The following MAOB variants were observed in gnomAD, a reference collection of about 807,000 sequenced individuals.
The protein encoded by MAOB is monoamine oxidase B.
A neutral mutation model predicts 41.9 loss-of-function variants in MAOB; 15 were observed. The ratio of observed to expected loss-of-function variants is 0.36; its 90% CI spans 0.24 to 0.55. MAOB has a LOEUF of 0.55. Among genes scored for constraint, MAOB ranks in the 20% least tolerant of loss-of-function variants. MAOB has a pLI of 0.86. For synonymous variants in MAOB, 167 were observed against 144.2 expected (o/e 1.16, Z -1.13); for missense variants, 345 against 398.7 (o/e 0.87, Z 1.15).
At chrX:43,776,102 C>T (rs1364485446) in intron 11 of MAOB, among the ~76,000 whole-genome samples, 1 of 112,179 alleles carries the variant, frequency 8.9e-6, no homozygotes, top group South Asian at 3.7e-4. Flanking sequence ...GGTATCACCA[C>T]GCTACACGCC....
At chrX:43,796,432 C>A (rs1488452311) in intron 6 of MAOB, among the ~76,000 whole-genome samples, 2 of 111,648 alleles carry the variant, frequency 1.8e-5, no homozygotes, top group East Asian at 5.7e-4. Flanking sequence ...ACTGTACCCA[C>A]CTGCCCTCAG....
chrX:43,810,491 C>G (rs2034733367), intron 3 of MAOB, among the ~76,000 whole-genome samples: 1 of 109,803 alleles, frequency 9.1e-6, no homozygotes, highest in Non-Finnish European at 1.9e-5. Flanking sequence ...TGTTAAGATT[C>G]TCAATTTCAA....
At chrX:43,835,291 C>T (rs189858598) in intron 3 of MAOB, among the ~76,000 whole-genome samples, 12 of 112,028 alleles carry the variant, frequency 1.1e-4, no homozygotes, top group African/African-American at 3.9e-4. Context: ...GACATCTAAA[C>T]AGCTGCCTTC....
Position 43,796,288 on chromosome X carries a change from G to A in MAOB, c.619-400C>T, listed in dbSNP as rs764340114. Among the ~76,000 whole-genome samples the A allele has an allele frequency of 3.5e-4, 39 of 111,109 alleles. 1 individual carries two copies. In the East Asian group the frequency reaches 0.011, roughly 32 times the overall value. On this transcript the variant is annotated intron_variant, in intron 6 of 14. Transcript: ENST00000378069. ...TAAGCCTGCTTCCCCTTGCTTTGTG[G>A]CTCAAGCGCAGAACTTCCCTGCCTC... is the stretch of plus-strand genomic sequence containing the variant.
intron 11 of MAOB, among the ~76,000 whole-genome samples, chrX:43,777,783 T>C (rs2034277870): frequency 8.9e-6 from 1 of 112,415 alleles, no homozygotes; most frequent in Non-Finnish European, 1.9e-5. Flanking sequence ...TGCTCATTTG[T>C]ACATTGGTCT....
At chrX:43,881,897 A>T (rs764110692) in intron 1 of MAOB, among the ~76,000 whole-genome samples, 2 of 111,876 alleles carry the variant, frequency 1.8e-5, no homozygotes, top group South Asian at 7.5e-4. Flanking sequence ...CGGAGTGTCC[A>T]GGTCAAGTTG....
chrX:43,772,980 A>G (rs2034204594), intron 12 of MAOB, among the ~76,000 whole-genome samples: 1 of 112,092 alleles, frequency 8.9e-6, no homozygotes, highest in African/African-American at 3.2e-5. Flanking sequence ...AGCCTGCAGA[A>G]CTATGAGCCA....
chrX:43,789,224 GC>G (rs1005620260), intron 8 of MAOB, among the ~76,000 whole-genome samples: 5 of 112,195 alleles, frequency 4.5e-5, no homozygotes, highest in Non-Finnish European at 9.4e-5. Context: ...AGAATTTGGA[GC>G]ATTTTGAATT....
chrX:43,845,071 G>A (rs2035185054), intron 1 of MAOB, among the ~76,000 whole-genome samples: 1 of 112,279 alleles, frequency 8.9e-6, no homozygotes, highest in African/African-American at 3.2e-5. Context: ...TGGAGTACAT[G>A]TATAAAGTTT....
rs759945324 is a variant in MAOB at position 43,778,664 on chromosome X, G to T, written c.1137+18C>A. On this transcript the variant is annotated intron_variant, in intron 11 of 14. Transcript: ENST00000378069. ...AAAGGCCTCTCACCCTTAGTATAGG[G>T]TTGGGAAGCAGCCTTACCTCCAGAG... 4.4e-5 allele frequency: 52 copies of T among 1,194,721 alleles called. No individual in the cohort carries two copies. The East Asian group carries it at 1.5e-3, about 36-fold the overall frequency.
chrX:43,872,618 G>C (rs375016516), intron 1 of MAOB, among the ~76,000 whole-genome samples: 47 of 111,591 alleles, frequency 4.2e-4, no homozygotes, highest in African/African-American at 1.5e-3. Flanking sequence ...CAGAAAGTTT[G>C]AAAAAAACAC....
chrX:43,771,864 A>G (rs2034189412), intron 12 of MAOB, among the ~76,000 whole-genome samples: 1 of 111,908 alleles, frequency 8.9e-6, no homozygotes, highest in Non-Finnish European at 1.9e-5. Flanking sequence ...CAACCAGGTA[A>G]GAAAAATACC....
At chrX:43,815,503 A>T (rs1233116028) in intron 3 of MAOB, among the ~76,000 whole-genome samples, 1 of 111,980 alleles carries the variant, frequency 8.9e-6, no homozygotes, top group Non-Finnish European at 1.9e-5. Flanking sequence ...CCACAATATT[A>T]GAGATTATAA....
intron 11 of MAOB, among the ~76,000 whole-genome samples, chrX:43,777,588 C>T (rs1038233178): frequency 7.2e-5 from 8 of 111,349 alleles, no homozygotes; most frequent in African/African-American, 2.6e-4. Context: ...ATTTGAAAGA[C>T]ACAACAACTT....
chrX:43,831,400 A>C (rs1254318873), intron 3 of MAOB, among the ~76,000 whole-genome samples: 2 of 110,868 alleles, frequency 1.8e-5, no homozygotes, highest in Non-Finnish European at 3.8e-5. Context: ...GCAACGAATT[A>C]CTCCATGTTG....
chrX:43,771,487 A>C (rs933467238), intron 12 of MAOB, among the ~76,000 whole-genome samples: 6 of 111,566 alleles, frequency 5.4e-5, no homozygotes, highest in African/African-American at 2.0e-4. Flanking sequence ...TCATATTTTG[A>C]GGAACACCTG....
intron 5 of MAOB, 110 bp downstream of exon 5, chrX:43,802,062 T>G: frequency 1.7e-5 from 10 of 594,934 alleles, no homozygotes. Context: ...TGGCTGGTGG[T>G]GTGGTTTTAG....
intron 12 of MAOB, among the ~76,000 whole-genome samples, chrX:43,774,216 ATTAAATTATTGCTTGGT>A (rs1360149053): frequency 8.9e-6 from 1 of 111,865 alleles, no homozygotes; most frequent in East Asian, 2.8e-4. Flanking sequence ...AGCTTTTGGC[ATTAAATTATTGCTTGGT>A]TTAGTAATAG....
chrX:43,817,874 ATG>A (rs2034837739), intron 3 of MAOB, among the ~76,000 whole-genome samples: 1 of 112,249 alleles, frequency 8.9e-6, no homozygotes, highest in Admixed American at 9.5e-5. Context: ...AACTGAGACT[ATG>A]TGGTACATTT....
Sources: allele counts gnomAD v4.1 joint callset (sites outside exome capture counted in the v4.1 genomes callset), GRCh38; gene constraint gnomAD v4.1.1; transcripts MANE v1.5; gene names NCBI Gene and HGNC (gene_info 2026-07-23, HGNC 2026-07-21).